GAS7: variants seen among roughly 807,000 people sequenced by gnomAD.
GAS7 encodes the protein growth arrest-specific protein 7.
In GAS7, 28 loss-of-function variants were observed where a neutral mutation model predicts 71.1. The observed-to-expected ratio is 0.39, with a 90% CI of 0.29 to 0.54. The LOEUF (loss-of-function observed/expected upper bound fraction) is 0.54. Among genes scored for constraint, GAS7 ranks in the 20% least tolerant of loss-of-function variants. The pLI is 0.62. For synonymous variants in GAS7, 258 were observed against 245.8 expected (o/e 1.05, Z -0.46); for missense variants, 436 against 627.8 (o/e 0.69, Z 3.27).
rs188581978 is a variant in GAS7, at chr17:9,921,928, C to T, written c.1139-2223G>A. On this transcript the variant is annotated intron_variant, in intron 11 of 13. Transcript: ENST00000432992. Reference sequence around the variant, plus strand: ...GAGCAGAGATCGCACCACTGCACTCCAGCCTGGGCGACAGAGCAAGACTCC... The same window carrying T: ...GAGCAGAGATCGCACCACTGCACTCTAGCCTGGGCGACAGAGCAAGACTCC... 4.0e-4 allele frequency among the ~76,000 whole-genome samples: 59 copies of T among 146,670 alleles called. 1 individual carries two copies. The East Asian group carries it at 0.011, about 28-fold the overall frequency.
intron 1 of GAS7, among the ~76,000 whole-genome samples, chr17:10,104,834 TG>T (rs75410465): frequency 0.029 from 4,398 of 152,286 alleles, 73 homozygotes; most frequent in East Asian, 0.057. Context: ...ATTATTACGA[TG>T]ATCTTCTTGT....
At chr17:9,977,131 G>T (rs1350926254) in intron 3 of GAS7, among the ~76,000 whole-genome samples, 3 of 152,208 alleles carry the variant, frequency 2.0e-5, no homozygotes, top group Admixed American at 1.3e-4. Context: ...ACTGAGTACA[G>T]AAGGCACAGG....
intron 1 of GAS7, among the ~76,000 whole-genome samples, chr17:10,136,006 G>C (rs964425210): frequency 6.6e-6 from 1 of 152,170 alleles, no homozygotes; most frequent in African/African-American, 2.4e-5. Context: ...CCACTGAGCA[G>C]GGGGGTGGTT....
intron 1 of GAS7, among the ~76,000 whole-genome samples, chr17:10,092,723 G>GC (rs1175893676): frequency 2.6e-5 from 4 of 152,160 alleles, no homozygotes; most frequent in Non-Finnish European, 5.9e-5. Context: ...GGAGGGCCAC[G>GC]CCCCCCTTGG....
At chr17:10,008,920 A>T (rs2071643953) in intron 2 of GAS7, among the ~76,000 whole-genome samples, 1 of 152,230 alleles carries the variant, frequency 6.6e-6, no homozygotes, top group African/African-American at 2.4e-5. Context: ...TTTTGGGTAC[A>T]GAACCTTCTC....
intron 8 of GAS7, among the ~76,000 whole-genome samples, chr17:9,939,091 G>T (rs746004522): frequency 6.6e-6 from 1 of 152,162 alleles, no homozygotes; most frequent in African/African-American, 2.4e-5. Context: ...GAATATTGCT[G>T]CTGTGTACAT....
chr17:9,937,139 G>A (rs2068429113), intron 8 of GAS7, among the ~76,000 whole-genome samples: 1 of 152,322 alleles, frequency 6.6e-6, no homozygotes, highest in East Asian at 1.9e-4. Context: ...TGTGCATGGG[G>A]CTGCTGTGCG....
chr17:10,100,650 C>A (rs950010151), intron 1 of GAS7, among the ~76,000 whole-genome samples: 3 of 152,070 alleles, frequency 2.0e-5, no homozygotes, highest in Non-Finnish European at 4.4e-5. Context: ...CACCTCCCAA[C>A]CCCCCCATCC....
rs190051673 is a variant in GAS7 at position 10,104,693 on chromosome 17, C to T, written c.184-84796G>A. On this transcript the variant is annotated intron_variant, in intron 1 of 13. Transcript: ENST00000432992. ...CCACCATCTATCATCCTGTTGCTTA[C>T]ACCCCAAAATCTAGGATTCTCAAGT... Among the ~76,000 whole-genome samples, 32 of 152,256 alleles carry T rather than the reference C, an allele frequency of 2.1e-4. No homozygotes were observed. The East Asian group carries it at 5.8e-3, about 28-fold the overall frequency.
intron 1 of GAS7, among the ~76,000 whole-genome samples, chr17:10,159,337 G>A (rs548655712): frequency 9.9e-5 from 15 of 151,750 alleles, no homozygotes; most frequent in East Asian, 3.9e-4. Context: ...GAGAGCTTTC[G>A]TCCACCAAAA....
chr17:10,059,079 G>A (rs1038307827), intron 1 of GAS7, among the ~76,000 whole-genome samples: 7 of 152,192 alleles, frequency 4.6e-5, no homozygotes, highest in South Asian at 4.1e-4. Context: ...GCGCACAAAC[G>A]TGGCATGCAT....
chr17:10,134,187 C>T (rs994328327), intron 1 of GAS7, among the ~76,000 whole-genome samples: 22 of 152,262 alleles, frequency 1.4e-4, no homozygotes, highest in South Asian at 6.2e-4. Context: ...CCATCCACCA[C>T]GCCTAGCTAT....
At chr17:9,968,228 G>C (rs575820873) in intron 4 of GAS7, among the ~76,000 whole-genome samples, 1 of 152,142 alleles carries the variant, frequency 6.6e-6, no homozygotes, top group African/African-American at 2.4e-5. Flanking sequence ...ACAAAGCCAC[G>C]GTTGATTCAT....
At chr17:10,017,645 A>G (rs1359818318) in intron 2 of GAS7, among the ~76,000 whole-genome samples, 1 of 152,152 alleles carries the variant, frequency 6.6e-6, no homozygotes, top group Non-Finnish European at 1.5e-5. Context: ...ATGATATTTT[A>G]TAACACACAC....
At chr17:10,168,926 C>T (rs534422058) in intron 1 of GAS7, among the ~76,000 whole-genome samples, 29 of 147,144 alleles carry the variant, frequency 2.0e-4, no homozygotes, top group Non-Finnish European at 4.0e-4. Context: ...GCCGAGATCA[C>T]GCCACTGCAC....
intron 2 of GAS7, among the ~76,000 whole-genome samples, chr17:9,997,093 A>AG: frequency 6.6e-6 from 1 of 152,278 alleles, no homozygotes; most frequent in South Asian, 2.1e-4. Flanking sequence ...TATGGTAAAG[A>AG]GGTGCTTCTC....
At chr17:10,016,654 G>A (rs1469320945) in intron 2 of GAS7, among the ~76,000 whole-genome samples, 2 of 145,048 alleles carry the variant, frequency 1.4e-5, no homozygotes, top group East Asian at 4.0e-4. Flanking sequence ...TTTAGGCATA[G>A]TGTAATCCCA....
At chr17:10,087,939 A>G (rs934196508) in intron 1 of GAS7, among the ~76,000 whole-genome samples, 2 of 152,158 alleles carry the variant, frequency 1.3e-5, no homozygotes, top group African/African-American at 4.8e-5. Flanking sequence ...GACCCACTTC[A>G]CCTCAAATGT....
intron 1 of GAS7, among the ~76,000 whole-genome samples, chr17:10,096,050 G>T (rs2152258632): frequency 6.6e-6 from 1 of 152,130 alleles, no homozygotes; most frequent in South Asian, 2.1e-4. Context: ...CTCTTGCCAG[G>T]TTCATCTGCT....
Sources: allele counts gnomAD v4.1 joint callset (sites outside exome capture counted in the v4.1 genomes callset), GRCh38; gene constraint gnomAD v4.1.1; transcripts MANE v1.5; gene names NCBI Gene and HGNC (gene_info 2026-07-23, HGNC 2026-07-21).